The following POLR1H variants were observed in gnomAD, a reference collection of about 807,000 sequenced individuals.
The protein encoded by POLR1H is RNA polymerase I subunit H, also known as DNA-directed RNA polymerase I subunit RPA12.
A neutral mutation model predicts 15.8 loss-of-function variants in POLR1H; 5 were observed. The ratio of observed to expected loss-of-function variants is 0.32; its 90% CI spans 0.17 to 0.67. POLR1H has a LOEUF of 0.67. Ranked by LOEUF, POLR1H falls within the 30% of genes least tolerant of loss-of-function variation. The pLI is 0.74. For missense variants in POLR1H, 100 were observed against 163.4 expected (o/e 0.61, Z 2.11); for synonymous variants, 43 against 58.3 (o/e 0.74, Z 1.20).
At position 30,061,691 on chromosome 6, in the gene POLR1H, G is replaced by A. The variant is rs767640066; in HGVS notation, c.145+22G>A. 7 of 1,612,200 alleles carry A rather than the reference G, an allele frequency of 4.3e-6. No individual in the cohort carries two copies. Among genetic ancestry groups the A allele is most frequent in the South Asian group, 1.1e-5 (1 of 91,080 alleles). On this transcript the variant is annotated intron_variant, in intron 1 of 3. Coordinates refer to ENST00000332435, the MANE Select transcript of POLR1H (RefSeq NM_170783.4). This position sits in a 1 kb window ranked among gnomAD's most constrained non-coding sequence, Gnocchi z 5.0. ...CGGGGTGAGAGGCTTGTACGCAGGG[G>A]TCCTGGCGGAGGGCGCAGGGTCGGA... is the stretch of plus-strand genomic sequence containing the variant.
In POLR1H at chr6:30,061,684, C is replaced by G. The variant is rs750859094; in HGVS notation, c.145+15C>G. ...CAACGTTCGGGGTGAGAGGCTTGTA[C>G]GCAGGGGTCCTGGCGGAGGGCGCAG... On this transcript the variant is annotated intron_variant, in intron 1 of 3. Coordinates refer to ENST00000332435, the MANE Select transcript of POLR1H (RefSeq NM_170783.4). This position sits in a 1 kb window ranked among gnomAD's most constrained non-coding sequence, Gnocchi z 5.0. 6.2e-7 allele frequency: 1 copy of G among 1,612,662 alleles called. No homozygotes were observed. Among genetic ancestry groups the G allele is most frequent in the South Asian group, 1.1e-5 (1 of 91,080 alleles).
chr6:30,061,945 G>T lies in POLR1H; in HGVS notation c.174G>T (p.Ser58=). 3.1e-6 allele frequency: 5 copies of T among 1,613,104 alleles called. No individual in the cohort carries two copies. The highest frequency in any genetic ancestry group is 4.2e-6 in the Non-Finnish European group (5 of 1,180,028). ...RDFEGKVVKT[S]VVFHQLGTAM... is the part of the protein sequence containing the mutation. ...TTGAGGGGAAGGTTGTGAAGACTTC[G>T]GTTGTGTTCCACCAACTGGGGACAG... Residue 58 remains serine, a synonymous_variant, in exon 2 of 4, where the codon TCG becomes TCT. Transcript: ENST00000332435. The surrounding 1 kb of genome is among the most constrained non-coding windows in gnomAD (Gnocchi z 5.0).
intron 2 of POLR1H, 26 bp from the exon 3 acceptor site, chr6:30,062,198 T>C (rs570751747): frequency 6.3e-7 from 1 of 1,585,138 alleles, no homozygotes; most frequent in South Asian, 1.1e-5. Context: ...TGACCAGGCC[T>C]CCCTAACCCA....
At chr6:30,062,408 G>T (rs1250228429) in intron 3 of POLR1H, 75 bp downstream of exon 3, 2 of 1,011,444 alleles carry the variant, frequency 2.0e-6, no homozygotes. Context: ...TTTTTTGTAC[G>T]AAATGGCCGT....
At position 30,063,149 on chromosome 6, in the gene POLR1H, G is replaced by T. The variant is rs1765250118; in HGVS notation, c.356+816G>T. Among the ~76,000 whole-genome samples the T allele has an allele frequency of 6.7e-6, 1 of 149,098 alleles. No individual in the cohort carries two copies. On this transcript the variant is annotated intron_variant, in intron 3 of 3. Transcript: ENST00000332435. The surrounding 1 kb of genome is among the most constrained non-coding windows in gnomAD (Gnocchi z 4.1). ...GTTGGACTTTCTGAAACTGAGAGTG[G>T]ACTTTTTTTTCATCAACCTTGGAAA...
chr6:30,062,054 G>A (rs918427048), intron 2 of POLR1H, 37 bp downstream of exon 2: 4 of 1,587,010 alleles, frequency 2.5e-6, no homozygotes, highest in African/African-American at 2.7e-5. Flanking sequence ...TCCATAAGGT[G>A]GGTAGGAAAG....
At position 30,061,377 on chromosome 6, in the gene POLR1H, C is replaced by A; in HGVS notation, c.-148C>A. On this transcript the variant is annotated 5_prime_UTR_variant, in exon 1 of 4. Transcript: ENST00000332435. This position sits in a 1 kb window ranked among gnomAD's most constrained non-coding sequence, Gnocchi z 5.0. Reference sequence around the variant, plus strand: ...CTGGGAATTCCGGGCGTTTCGGCTCCTTGGTCGCAGAGGCAGGAGGCGTGC... The same window carrying A: ...CTGGGAATTCCGGGCGTTTCGGCTCATTGGTCGCAGAGGCAGGAGGCGTGC... The A allele has an allele frequency of 1.1e-6, 1 of 871,082 alleles. No homozygotes were observed. Among genetic ancestry groups the A allele is most frequent in the South Asian group, 2.0e-5 (1 of 49,448 alleles). The allele number at this position is 871,082 out of a possible 1,614,324, so 54.0% of individuals were successfully genotyped here.
intron 3 of POLR1H, among the ~76,000 whole-genome samples, chr6:30,062,863 C>T (rs1441715586): frequency 4.0e-5 from 6 of 150,104 alleles, no homozygotes; most frequent in African/African-American, 1.2e-4. Flanking sequence ...TGAGCCACCC[C>T]GCCTGACCTA....
rs1392843209 is a variant in POLR1H at position 30,063,109 on chromosome 6, T to C, written c.356+776T>C. ...TATATCAAAATACGATTTTCTTTTATTCTGTTTGGGATTTGTTGGACTTTC... is the reference window on the plus strand; with the variant it reads ...TATATCAAAATACGATTTTCTTTTACTCTGTTTGGGATTTGTTGGACTTTC... On this transcript the variant is annotated intron_variant, in intron 3 of 3. Transcript: ENST00000332435. The surrounding 1 kb of genome is among the most constrained non-coding windows in gnomAD (Gnocchi z 4.1). Among the ~76,000 whole-genome samples, 1 of 152,134 alleles carries C rather than the reference T, an allele frequency of 6.6e-6. No homozygotes were observed. Among genetic ancestry groups the C allele is most frequent in the African/African-American group, 2.4e-5 (1 of 41,418 alleles).
upstream of POLR1H, chr6:30,060,927 C>G (rs1764978718): frequency 6.6e-6 from 1 of 152,362 alleles, no homozygotes; most frequent in Non-Finnish European, 1.5e-5. Flanking sequence ...AGTTGTAGTT[C>G]TCTAATCCAA....
intron 3 of POLR1H, among the ~76,000 whole-genome samples, chr6:30,064,102 T>C (rs1241263231): frequency 6.6e-6 from 1 of 152,226 alleles, no homozygotes; most frequent in Non-Finnish European, 1.5e-5. Flanking sequence ...AAGGGCACCA[T>C]AGTGTCACTG....
At position 30,063,358 on chromosome 6, in the gene POLR1H, CT is replaced by C. The variant is rs1765268800; in HGVS notation, c.356+1026del. Among the ~76,000 whole-genome samples, 1 of 151,888 alleles carries C rather than the reference CT, an allele frequency of 6.6e-6. No individual in the cohort carries two copies. Among genetic ancestry groups the C allele is most frequent in the Non-Finnish European group, 1.5e-5 (1 of 67,986 alleles). On this transcript the variant is annotated intron_variant, in intron 3 of 3. Coordinates refer to ENST00000332435, the MANE Select transcript of POLR1H (RefSeq NM_170783.4). This position sits in a 1 kb window ranked among gnomAD's most constrained non-coding sequence, Gnocchi z 4.1. Reference sequence around the variant, plus strand: ...CCTTCTGAGTAATTTCTTCAGGTCCCTCTTCCATGTCACTAATTCTGTCTTC... The same window carrying C: ...CCTTCTGAGTAATTTCTTCAGGTCCCCTTCCATGTCACTAATTCTGTCTTC...
In POLR1H at chr6:30,061,885, T is replaced by A. The variant is rs780618175; in HGVS notation, c.146-32T>A. ...TTCCGGTGTCAGCTCTCTCTGGTTG[T>A]CTCCATAACCAGTTCTTACTTGCCT... On this transcript the variant is annotated intron_variant, in intron 1 of 3. Coordinates refer to ENST00000332435, the MANE Select transcript of POLR1H (RefSeq NM_170783.4). The surrounding 1 kb of genome is among the most constrained non-coding windows in gnomAD (Gnocchi z 5.0). The A allele has an allele frequency of 1.2e-6, 2 of 1,608,048 alleles. No homozygotes were observed. The highest frequency in any genetic ancestry group is 2.7e-5 in the African/African-American group (2 of 74,760).
chr6:30,060,136 T>G (rs369614322), upstream of POLR1H: 1 of 152,246 alleles, frequency 6.6e-6, no homozygotes, highest in South Asian at 2.1e-4. Context: ...CCTTTCACTA[T>G]GGCGTTCTCT....
Position 30,061,628 on chromosome 6 carries a change from C to T in POLR1H, c.104C>T (p.Thr35Met), listed in dbSNP as rs561192206. The T allele has an allele frequency of 6.2e-7, 1 of 1,613,064 alleles. No individual in the cohort carries two copies. Among genetic ancestry groups the T allele is most frequent in the Non-Finnish European group, 8.5e-7 (1 of 1,180,034 alleles). Residue 35 changes from threonine (T) to methionine (M), a missense_variant, in exon 1 of 4, where the codon ACG (threonine) becomes ATG (methionine). Transcript: ENST00000332435. The surrounding 1 kb of genome is among the most constrained non-coding windows in gnomAD (Gnocchi z 5.0). ...SVLPLPGAQD[T>M]VTCIRCGFNI... ...CTGCCTCTGCCCGGGGCTCAGGATA[C>T]GGTCACCTGTATTCGCTGTGGCTTC...
At chr6:30,064,275 A>C (rs892322967) in intron 3 of POLR1H, among the ~76,000 whole-genome samples, 13 of 151,336 alleles carry the variant, frequency 8.6e-5, no homozygotes, top group Non-Finnish European at 1.0e-4. Context: ...TTTTCCTATC[A>C]CTGGTTGTCA....
In POLR1H at chr6:30,064,753, TG is replaced by T; in HGVS notation, c.*59del. On this transcript the variant is annotated 3_prime_UTR_variant, in exon 4 of 4. Coordinates refer to ENST00000332435, the MANE Select transcript of POLR1H (RefSeq NM_170783.4). ...CCTCCTTTCGGAAGGTGAAGGATAC[TG>T]GGTTTTTAGATGCCTTGTCCATCCT... The T allele has an allele frequency of 6.5e-7, 1 of 1,545,756 alleles. No individual in the cohort carries two copies. The highest frequency in any genetic ancestry group is 8.8e-7 in the Non-Finnish European group (1 of 1,130,294).
intron 3 of POLR1H, 92 bp from the exon 4 acceptor site, chr6:30,064,581 G>T: frequency 8.3e-7 from 1 of 1,202,780 alleles, no homozygotes; most frequent in Non-Finnish European, 1.2e-6. Context: ...ATAAATAAAA[G>T]TCCTTCCTTG....
At chr6:30,064,418 T>C (rs1385047716) in intron 3 of POLR1H, among the ~76,000 whole-genome samples, 4 of 152,076 alleles carry the variant, frequency 2.6e-5, no homozygotes, top group Non-Finnish European at 4.4e-5. Context: ...GCTTATCCTT[T>C]TTTTTTTCTT....
Sources: gnomAD v4.1 joint callset for allele counts (sites outside exome capture counted in the v4.1 genomes callset) on GRCh38, gnomAD v4.1.1 for gene constraint, Gnocchi (gnomAD v3.1) non-coding constraint, MANE v1.5 for transcripts, NCBI Gene and HGNC (gene_info 2026-07-23, HGNC 2026-07-21) for gene names.